Variants in EPHB1 observed in about 807,000 individuals in gnomAD.
EPHB1 encodes the protein EPH receptor B1, also known as ephrin type-B receptor 1.
Under a neutral mutation model 94.4 loss-of-function variants are expected in EPHB1, and 30 were observed. The observed-to-expected ratio is 0.32, with a 90% CI of 0.24 to 0.43. The LOEUF is 0.43. EPHB1 is among the 20% of genes least tolerant of loss of function. The pLI, the probability that EPHB1 is intolerant of heterozygous loss-of-function variation, is 1.00. For synonymous variants in EPHB1, 522 were observed against 489.1 expected (o/e 1.07, Z -0.89); for missense variants, 1,055 against 1,308.3 (o/e 0.81, Z 2.99).
intron 1 of EPHB1, among the ~76,000 whole-genome samples, chr3:134,796,623 C>G (rs1275010868): frequency 2.0e-5 from 3 of 152,260 alleles, no homozygotes; most frequent in Non-Finnish European, 4.4e-5. Context: ...GGCCCAGCTC[C>G]CCGCCTCCCG....
chr3:135,249,273 G>A (rs1039513500), intron 14 of EPHB1, 63 bp from the exon 15 acceptor site: 6 of 1,537,672 alleles, frequency 3.9e-6, no homozygotes, highest in African/African-American at 1.4e-5. Context: ...TGTCAGGCCA[G>A]ACTGGGGCAC....
At chr3:134,846,736 G>A (rs2036878931) in intron 1 of EPHB1, among the ~76,000 whole-genome samples, 1 of 152,128 alleles carries the variant, frequency 6.6e-6, no homozygotes, top group African/African-American at 2.4e-5. Flanking sequence ...AGAGCAGGCA[G>A]GCTGAGTGCT....
intron 15 of EPHB1, among the ~76,000 whole-genome samples, chr3:135,257,593 G>A (rs1042294192): frequency 1.1e-4 from 16 of 151,996 alleles, no homozygotes; most frequent in East Asian, 1.9e-4. Flanking sequence ...CTCCAGCTGC[G>A]TGCTGGGAGA....
chr3:134,898,879 G>A (rs575393286), intron 1 of EPHB1, among the ~76,000 whole-genome samples: 1 of 152,060 alleles, frequency 6.6e-6, no homozygotes, highest in Non-Finnish European at 1.5e-5. Context: ...GTGTGCTGTG[G>A]ACCAGCCTGG....
intron 1 of EPHB1, among the ~76,000 whole-genome samples, chr3:134,855,676 A>G (rs1196405330): frequency 6.6e-6 from 1 of 151,906 alleles, no homozygotes; most frequent in Non-Finnish European, 1.5e-5. Context: ...TTTTTTCAGT[A>G]TCTGTAGGCT....
At chr3:134,958,210 G>A (rs542448502) in intron 3 of EPHB1, among the ~76,000 whole-genome samples, 6 of 152,278 alleles carry the variant, frequency 3.9e-5, no homozygotes, top group Admixed American at 1.3e-4. Context: ...CAGCTGAGAT[G>A]AGCCACTTTA....
At chr3:134,988,412 A>G (rs1934676139) in intron 3 of EPHB1, among the ~76,000 whole-genome samples, 1 of 152,318 alleles carries the variant, frequency 6.6e-6, no homozygotes, top group South Asian at 2.1e-4. Flanking sequence ...TAAGCAGACT[A>G]TATATTTTTT....
intron 1 of EPHB1, among the ~76,000 whole-genome samples, chr3:134,814,672 T>C (rs1243734291): frequency 6.6e-6 from 1 of 152,232 alleles, no homozygotes; most frequent in Non-Finnish European, 1.5e-5. Context: ...TGTGCCTCTC[T>C]GTCTTGGACT....
intron 3 of EPHB1, among the ~76,000 whole-genome samples, chr3:135,089,994 A>C (rs2107790845): frequency 6.6e-6 from 1 of 152,326 alleles, no homozygotes; most frequent in African/African-American, 2.4e-5. Context: ...TTCACTGACA[A>C]ACCTGAAGGC....
At chr3:135,208,290 CGTGTGTGTGT>C (rs55947191) in intron 12 of EPHB1, among the ~76,000 whole-genome samples, 4,903 of 142,704 alleles carry the variant, frequency 0.034, 190 homozygotes, top group African/African-American at 0.097. Flanking sequence ...CCTTTCATGA[CGTGTGTGTGT>C]GTGTGTGTGT....
chr3:135,118,266 G>A (rs1021531979), intron 4 of EPHB1, among the ~76,000 whole-genome samples: 3 of 152,192 alleles, frequency 2.0e-5, no homozygotes, highest in African/African-American at 7.2e-5. Flanking sequence ...ACCATGCTGT[G>A]TGCCATGGTG....
rs908682678 is a variant in EPHB1 at position 135,022,217 on chromosome 3, G to A, written c.805+70165G>A. Among the ~76,000 whole-genome samples the A allele has an allele frequency of 3.9e-5, 6 of 152,190 alleles. No individual in the cohort carries two copies. The East Asian group carries it at 5.8e-4, about 15-fold the overall frequency. On this transcript the variant is annotated intron_variant, in intron 3 of 15. Transcript: ENST00000398015. The stretch of plus-strand genomic sequence containing the variant: ...GATCTCCTGACCTTGTGATCCCCCT[G>A]CCTCGGCCTCCCAAAGTGCTGGGAT...
chr3:134,921,518 A>C (rs1368909173), intron 1 of EPHB1, among the ~76,000 whole-genome samples: 7 of 152,080 alleles, frequency 4.6e-5, no homozygotes, highest in African/African-American at 1.7e-4. Context: ...CCTCAACTAA[A>C]CCATGAATTT....
intron 15 of EPHB1, among the ~76,000 whole-genome samples, chr3:135,256,729 C>A (rs569560835): frequency 7.2e-5 from 11 of 152,008 alleles, no homozygotes; most frequent in Non-Finnish European, 1.5e-4. Flanking sequence ...ATCTTTGTGG[C>A]GTTCTCTGTA....
In EPHB1 at chr3:135,201,490, T is replaced by G; in HGVS notation, c.2147T>G (p.Phe716Cys). 1 of 1,613,994 alleles carries G rather than the reference T, an allele frequency of 6.2e-7. No homozygotes were observed. The highest frequency in any genetic ancestry group is 8.5e-7 in the Non-Finnish European group (1 of 1,179,978). The change falls in exon 12 of 16, where the codon TTC becomes TGC. Residue 716 changes from phenylalanine to cysteine, a missense_variant. Transcript: ENST00000398015. ...TTATTACAGCAAAATGACGGGCAGT[T>G]CACCGTGATCCAGCTTGTGGGTATG... Reference protein sequence around the residue: ...DSFLRQNDGQFTVIQLVGMLR... With the variant: ...DSFLRQNDGQCTVIQLVGMLR...
At chr3:135,198,324 T>C (rs1274518359) in intron 11 of EPHB1, among the ~76,000 whole-genome samples, 1 of 152,228 alleles carries the variant, frequency 6.6e-6, no homozygotes, top group East Asian at 1.9e-4. Context: ...TCCTTTATCT[T>C]GTCTGTGAAA....
chr3:135,002,827 C>T lies in EPHB1; in HGVS notation c.805+50775C>T, dbSNP rs1100574. 6.1e-4 allele frequency among the ~76,000 whole-genome samples: 91 copies of T among 150,094 alleles called. 1 individual carries two copies. The East Asian group carries it at 9.3e-3, about 15-fold the overall frequency. On this transcript the variant is annotated intron_variant, in intron 3 of 15. Transcript: ENST00000398015. ...ATATCCCCTTTATCATTTTTTATTG[C>T]GTCTATTTGATTCTTCTCTCTTTTT...
intron 1 of EPHB1, among the ~76,000 whole-genome samples, chr3:134,892,180 G>A (rs759249672): frequency 8.5e-5 from 13 of 152,220 alleles, no homozygotes; most frequent in Admixed American, 3.9e-4. Flanking sequence ...AGTGGTAGTT[G>A]AGCTGCTTCC....
At chr3:135,127,542 GA>G (rs1940254452) in intron 4 of EPHB1, among the ~76,000 whole-genome samples, 1 of 152,148 alleles carries the variant, frequency 6.6e-6, no homozygotes, top group Non-Finnish European at 1.5e-5. Context: ...GTACCAGCCT[GA>G]AATTTACTAC....
Sources: gnomAD v4.1 joint callset for allele counts (sites outside exome capture counted in the v4.1 genomes callset) on GRCh38, gnomAD v4.1.1 for gene constraint, MANE v1.5 for transcripts, NCBI Gene and HGNC (gene_info 2026-07-23, HGNC 2026-07-21) for gene names.